Variants in NRXN3 observed in about 807,000 individuals in gnomAD.
The protein encoded by NRXN3 is neurexin 3.
Under a neutral mutation model 137.6 loss-of-function variants are expected in NRXN3, and 32 were observed. That is an observed-to-expected ratio of 0.23 (90% CI 0.18 to 0.31). NRXN3 has a LOEUF of 0.31. NRXN3 is among the 10% of genes least tolerant of loss of function. NRXN3 has a pLI of 1.00. For synonymous variants in NRXN3, 798 were observed against 784.5 expected (o/e 1.02, Z -0.29); for missense variants, 1,574 against 2,062.5 (o/e 0.76, Z 4.59).
chr14:78,548,522 T>G (rs2096657294), intron 4 of NRXN3, among the ~76,000 whole-genome samples: 1 of 152,334 alleles, frequency 6.6e-6, no homozygotes, highest in African/African-American at 2.4e-5. Context: ...ACATACTGTA[T>G]GTAACTGCAC....
chr14:79,272,466 A>G (rs1196453421), intron 15 of NRXN3, among the ~76,000 whole-genome samples: 2 of 152,200 alleles, frequency 1.3e-5, no homozygotes, highest in Non-Finnish European at 2.9e-5. Flanking sequence ...ATAATGAAAT[A>G]CTACATAAAT....
intron 15 of NRXN3, among the ~76,000 whole-genome samples, chr14:79,031,434 T>A (rs1595140410): frequency 1.3e-5 from 2 of 152,114 alleles, no homozygotes. Flanking sequence ...GATAAAGTGT[T>A]TTAGGTAATG....
intron 15 of NRXN3, chr14:79,247,042 C>A (rs2075288263): frequency 6.6e-6 from 1 of 152,198 alleles, no homozygotes; most frequent in Non-Finnish European, 1.5e-5. Context: ...AATTTGTAAA[C>A]CCAGCCCATG....
chr14:79,453,239 C>T (rs1402664486), intron 15 of NRXN3, among the ~76,000 whole-genome samples: 2 of 152,008 alleles, frequency 1.3e-5, no homozygotes, highest in African/African-American at 4.8e-5. Flanking sequence ...ACCAGCCTGG[C>T]CAACATGCTG....
In NRXN3 at chr14:79,422,764, A is replaced by C. The variant is rs1311690217; in HGVS notation, c.3263-44457A>C. ...ACCCAGGCTGGAATGCAGTGGCACA[A>C]TCTCGGCTCACTGCAACCTCCGCCT... On this transcript the variant is annotated intron_variant, in intron 15 of 20. Coordinates refer to ENST00000335750, the MANE Select transcript of NRXN3 (RefSeq NM_001330195.2). 2.0e-5 allele frequency among the ~76,000 whole-genome samples: 3 copies of C among 149,786 alleles called. No individual in the cohort carries two copies. In the East Asian group the frequency reaches 5.9e-4, roughly 30 times the overall value.
At chr14:78,492,553 A>G (rs771525261) in intron 4 of NRXN3, among the ~76,000 whole-genome samples, 33 of 152,212 alleles carry the variant, frequency 2.2e-4, no homozygotes, top group Admixed American at 1.8e-3. Flanking sequence ...TACCATACCA[A>G]GAATCAAGTC....
chr14:78,247,890 G>A lies in NRXN3; in HGVS notation c.709+4088G>A, dbSNP rs2067934003. Among the ~76,000 whole-genome samples, 3 of 152,142 alleles carry A rather than the reference G, an allele frequency of 2.0e-5. No homozygotes were observed. In the South Asian group the frequency reaches 6.2e-4, roughly 32 times the overall value. Reference sequence around the variant, plus strand: ...TGTGAAGAATTGATTTGGTGCTAAGGTGTATAAATTTCAGGACCAGTGTCT... The same window carrying A: ...TGTGAAGAATTGATTTGGTGCTAAGATGTATAAATTTCAGGACCAGTGTCT... On this transcript the variant is annotated intron_variant, in intron 2 of 20. Transcript: ENST00000335750.
At chr14:79,625,934 C>A (rs2098277540) in intron 16 of NRXN3, among the ~76,000 whole-genome samples, 1 of 152,254 alleles carries the variant, frequency 6.6e-6, no homozygotes, top group South Asian at 2.1e-4. Context: ...ATGCATGTCT[C>A]ATAGGACCGG....
At chr14:79,116,097 A>G (rs2054386046) in intron 15 of NRXN3, among the ~76,000 whole-genome samples, 1 of 152,224 alleles carries the variant, frequency 6.6e-6, no homozygotes, top group Admixed American at 6.5e-5. Flanking sequence ...GACTATTCCA[A>G]TAGCACAAAA....
chr14:78,948,300 G>A (rs1027258212), intron 10 of NRXN3, among the ~76,000 whole-genome samples: 5 of 152,230 alleles, frequency 3.3e-5, no homozygotes, highest in African/African-American at 7.2e-5. Context: ...GGAGGTTGGA[G>A]TATTTATTCA....
intron 15 of NRXN3, among the ~76,000 whole-genome samples, chr14:79,126,953 T>C (rs554206480): frequency 1.3e-5 from 2 of 152,340 alleles, no homozygotes; most frequent in Non-Finnish European, 2.9e-5. Flanking sequence ...TCATGTGTTT[T>C]TTGGCTGCAT....
At chr14:79,080,245 A>T (rs1330126098) in intron 15 of NRXN3, among the ~76,000 whole-genome samples, 1 of 152,172 alleles carries the variant, frequency 6.6e-6, no homozygotes, top group African/African-American at 2.4e-5. Context: ...TTAAGCGTCT[A>T]AAGTGTCCTT....
At chr14:78,508,148 A>G (rs1287634753) in intron 4 of NRXN3, among the ~76,000 whole-genome samples, 1 of 152,226 alleles carries the variant, frequency 6.6e-6, no homozygotes, top group Non-Finnish European at 1.5e-5. Context: ...CTCTTCTAGC[A>G]TGAAATGCTG....
At chr14:79,414,108 C>T (rs749614107) in intron 15 of NRXN3, among the ~76,000 whole-genome samples, 15 of 151,790 alleles carry the variant, frequency 9.9e-5, no homozygotes, top group South Asian at 2.1e-4. Context: ...CACCATTCTG[C>T]GGGGGAGTGG....
chr14:79,612,761 C>T (rs1396715966), intron 16 of NRXN3, among the ~76,000 whole-genome samples: 2 of 152,090 alleles, frequency 1.3e-5, no homozygotes, highest in Non-Finnish European at 2.9e-5. Flanking sequence ...TGAGGTGGAT[C>T]GCTTGAGCCA....
rs1018474382 is a variant in NRXN3 at position 79,283,771 on chromosome 14, T to C, written c.3263-183450T>C. ...TCTCTTCTGTTCACCAGTCAGTCAA[T>C]ACTCTTTGAGCACATACTCTGTGCC... On this transcript the variant is annotated intron_variant, in intron 15 of 20. Coordinates refer to ENST00000335750, the MANE Select transcript of NRXN3 (RefSeq NM_001330195.2). Among the ~76,000 whole-genome samples, 13 of 152,046 alleles carry C rather than the reference T, an allele frequency of 8.6e-5. No individual in the cohort carries two copies. The South Asian group carries it at 1.9e-3, about 22-fold the overall frequency.
At chr14:78,187,918 G>A (rs1173200713) in intron 1 of NRXN3, among the ~76,000 whole-genome samples, 1 of 151,894 alleles carries the variant, frequency 6.6e-6, no homozygotes, top group East Asian at 1.9e-4. Context: ...TCCCTATGTA[G>A]AGTTGGGAAA....
chr14:79,339,231 A>G (rs1477456009), intron 15 of NRXN3, among the ~76,000 whole-genome samples: 1 of 152,214 alleles, frequency 6.6e-6, no homozygotes, highest in Non-Finnish European at 1.5e-5. Flanking sequence ...TCATTTAAAT[A>G]CATTGTAAAG....
chr14:78,709,640 C>G lies in NRXN3; in HGVS notation c.1645C>G (p.Arg549Gly). Residue 549 changes from arginine (R) to glycine (G), a missense_variant, in exon 7 of 21, where the codon CGA becomes GGA. Arg to Gly is a moderately radical substitution (Grantham distance 125). Around this residue, in one of 5 missense-constraint regions of NRXN3, gnomAD observed 718 missense variants for 887.6 expected, o/e 0.81. Coordinates refer to ENST00000335750, the MANE Select transcript of NRXN3 (RefSeq NM_001330195.2). ...GGAATGGTACCATGTGGACATTCAG[C>G]GAGATGGCAGATCAGGTAGGAAGAG... is the stretch of plus-strand genomic sequence containing the variant. ...DGEWYHVDIQRDGRSGTISVN... is the reference protein window; with the variant it reads ...DGEWYHVDIQGDGRSGTISVN... 6.2e-7 allele frequency: 1 copy of G among 1,610,760 alleles called. No homozygotes were observed. Among genetic ancestry groups the G allele is most frequent in the Non-Finnish European group, 8.5e-7 (1 of 1,178,796 alleles).
Sources: allele counts gnomAD v4.1 joint callset (sites outside exome capture counted in the v4.1 genomes callset), GRCh38; gene constraint gnomAD v4.1.1; regional missense constraint gnomAD v4.1.1; transcripts MANE v1.5; gene names NCBI Gene and HGNC (gene_info 2026-07-23, HGNC 2026-07-21).